NFIB: variants seen among roughly 807,000 people sequenced by gnomAD.
NFIB encodes the protein nuclear factor 1 B-type.
Under a neutral mutation model 61.5 loss-of-function variants are expected in NFIB, and 11 were observed. The observed-to-expected ratio is 0.18, with a 90% CI of 0.11 to 0.30. The LOEUF (loss-of-function observed/expected upper bound fraction) is 0.30, where lower values mean the gene tolerates loss of function less well. Among genes scored for constraint, NFIB ranks in the 10% least tolerant of loss-of-function variants. NFIB has a pLI of 1.00. For synonymous variants in NFIB, 260 were observed against 216.5 expected, an observed-to-expected ratio of 1.20 and a Z score of -1.76; for missense variants, 471 against 608.9, an observed-to-expected ratio of 0.77 and a Z score of 2.38.
rs1280741351 is a variant in NFIB at position 14,120,173 on chromosome 9, CT to C, written c.1245+266del. Among the ~76,000 whole-genome samples, 8 of 152,190 alleles carry C rather than the reference CT, an allele frequency of 5.3e-5. No individual in the cohort carries two copies. The highest frequency in any genetic ancestry group is 5.2e-4 in the Admixed American group (8 of 15,276). On this transcript the variant is annotated intron_variant, in intron 8 of 10. Coordinates refer to ENST00000380953, the MANE Select transcript of NFIB (RefSeq NM_001190737.2). The surrounding 1 kb of genome is among the most constrained non-coding windows in gnomAD (Gnocchi z 4.4). ...AGCCCAGAGCTTTCCTGTCAATGTA[CT>C]TTCTGCATAAACTTTCCCTTCAGTC...
At chr9:14,317,745 T>C (rs989504517), upstream of NFIB, among the ~76,000 whole-genome samples, 1 of 151,906 alleles carries the variant, frequency 6.6e-6, no homozygotes, top group Non-Finnish European at 1.5e-5. Context: ...CTCTAGGGAG[T>C]TGTTTGGAAA....
chr9:14,463,769 T>TC, the NFIB span, among the ~76,000 whole-genome samples: 6 of 146,190 alleles, frequency 4.1e-5, no homozygotes, highest in African/African-American at 1.5e-4. Context: ...CACGCCATTC[T>TC]CCTGCCTCAG....
At chr9:14,244,049 G>A (rs1044421972) in intron 2 of NFIB, among the ~76,000 whole-genome samples, 3 of 152,112 alleles carry the variant, frequency 2.0e-5, no homozygotes, top group Non-Finnish European at 2.9e-5. Context: ...TCTATCATAC[G>A]CAATAATTTT....
intron 6 of NFIB, among the ~76,000 whole-genome samples, chr9:14,145,387 G>A (rs1201083686): frequency 6.6e-6 from 1 of 152,066 alleles, no homozygotes; most frequent in African/African-American, 2.4e-5. Context: ...ATCGAGCTTT[G>A]AGTCAGTTGT....
the NFIB span, among the ~76,000 whole-genome samples, chr9:14,438,931 G>A: frequency 2.2e-4 from 33 of 152,244 alleles, no homozygotes; most frequent in Non-Finnish European, 4.1e-4. Context: ...GCCTGGGAAC[G>A]CCCCCAATGA....
intron 2 of NFIB, among the ~76,000 whole-genome samples, chr9:14,280,351 G>A (rs975872962): frequency 6.6e-6 from 1 of 151,620 alleles, no homozygotes; most frequent in African/African-American, 2.4e-5. Context: ...ATGAAAATAC[G>A]CACACACACA....
intron 3 of NFIB, among the ~76,000 whole-genome samples, chr9:14,164,225 T>C (rs10810101): frequency 0.063 from 9,548 of 152,048 alleles, 877 homozygotes; most frequent in African/African-American, 0.2. Context: ...AGTAAAAATA[T>C]ACAAGTATAG....
Position 14,361,658 on chromosome 9 carries a change from T to G in NFIB, c.108+36866A>C, listed in dbSNP as rs982107528. The G allele has an allele frequency of 3.3e-5, 5 of 152,226 alleles. No individual in the cohort carries two copies. The East Asian group carries it at 7.7e-4, about 23-fold the overall frequency. The allele number at this position is 152,226 out of a possible 1,614,324, so 9.4% of individuals were successfully genotyped here. On this transcript the variant is annotated intron_variant, in intron 1 of 8. Transcript: ENST00000380934. Reference sequence around the variant, plus strand: ...AGTCTCCCTCTTTGCTACACAACAGTAGCCACTAAAATCTTTTGGAAGATT... The same window carrying G: ...AGTCTCCCTCTTTGCTACACAACAGGAGCCACTAAAATCTTTTGGAAGATT...
At chr9:14,183,911 A>C (rs2047070496) in intron 2 of NFIB, among the ~76,000 whole-genome samples, 1 of 152,186 alleles carries the variant, frequency 6.6e-6, no homozygotes, top group Non-Finnish European at 1.5e-5. Flanking sequence ...TTCTAAAAAA[A>C]AAGTAATGAA....
At chr9:14,462,381 C>A in the NFIB span, among the ~76,000 whole-genome samples, 1 of 151,664 alleles carries the variant, frequency 6.6e-6, no homozygotes, top group Non-Finnish European at 1.5e-5. Flanking sequence ...CTCCCGGGTT[C>A]ACGCCATTCT....
the NFIB span, among the ~76,000 whole-genome samples, chr9:14,438,704 T>G: frequency 6.6e-6 from 1 of 152,186 alleles, no homozygotes. Context: ...TACACGGGCT[T>G]AACCTTTACG....
At chr9:14,205,039 G>A in intron 2 of NFIB, 1 of 260,862 alleles carries the variant, frequency 3.8e-6, no homozygotes, top group Admixed American at 3.9e-5. Flanking sequence ...CACCAAACTG[G>A]GTTAAATGTA....
intron 6 of NFIB, among the ~76,000 whole-genome samples, chr9:14,137,165 A>G (rs985830246): frequency 1.3e-5 from 2 of 152,208 alleles, no homozygotes; most frequent in Admixed American, 6.5e-5. Context: ...GAGAAAATAA[A>G]TGTTGCTGTC....
At position 14,120,472 on chromosome 9, in the gene NFIB, A is replaced by G; in HGVS notation, c.1213T>C (p.Ser405Pro). Reference protein sequence around the residue: ...PQDTLKNYVPSYDPSSPQTSQ... With the variant: ...PQDTLKNYVPPYDPSSPQTSQ... The stretch of plus-strand genomic sequence containing the variant: ...GTTTGTGGACTGGATGGGTCATAAG[A>G]AGGTACATAGTTCTTCAGAGTATCC... Residue 405 changes from serine (S) to proline (P), a missense_variant, in exon 8 of 11, where the codon TCT (serine) becomes CCT (proline). Coordinates refer to ENST00000380953, the MANE Select transcript of NFIB (RefSeq NM_001190737.2). This position sits in a 1 kb window ranked among gnomAD's most constrained non-coding sequence, Gnocchi z 4.4. The G allele has an allele frequency of 6.2e-7, 1 of 1,614,078 alleles. No individual in the cohort carries two copies. Among genetic ancestry groups the G allele is most frequent in the Non-Finnish European group, 8.5e-7 (1 of 1,180,002 alleles).
At chr9:14,171,386 T>A (rs2045550771) in intron 3 of NFIB, among the ~76,000 whole-genome samples, 1 of 152,202 alleles carries the variant, frequency 6.6e-6, no homozygotes, top group Non-Finnish European at 1.5e-5. Flanking sequence ...GGTAGACATC[T>A]CTGACTCCAC....
At chr9:14,505,084 G>A in the NFIB span, among the ~76,000 whole-genome samples, 3 of 152,146 alleles carry the variant, frequency 2.0e-5, no homozygotes, top group East Asian at 1.9e-4. Context: ...ATCTATTGAG[G>A]TGATCACGTG....
Position 14,120,924 on chromosome 9 carries a change from T to A in NFIB, c.1061-300A>T, listed in dbSNP as rs780525981. On this transcript the variant is annotated intron_variant, in intron 7 of 10. Transcript: ENST00000380953. The surrounding 1 kb of genome is among the most constrained non-coding windows in gnomAD (Gnocchi z 4.4). ...GTTATGTCAATACTTGATAAAACAC[T>A]TCTTTGAGCAAAGATATATCCCGTT... Among the ~76,000 whole-genome samples the A allele has an allele frequency of 6.6e-5, 10 of 152,336 alleles. No homozygotes were observed. The highest frequency in any genetic ancestry group is 1.5e-4 in the Non-Finnish European group (10 of 68,032).
intron 1 of NFIB, among the ~76,000 whole-genome samples, chr9:14,330,692 C>T (rs906138354): frequency 1.3e-5 from 2 of 152,096 alleles, no homozygotes; most frequent in African/African-American, 4.8e-5. Flanking sequence ...CTAGGTTTTG[C>T]TCCCAAATGG....
chr9:14,218,570 G>C (rs951428391), intron 2 of NFIB, among the ~76,000 whole-genome samples: 2 of 152,198 alleles, frequency 1.3e-5, no homozygotes, highest in African/African-American at 4.8e-5. Flanking sequence ...GACTATAGAT[G>C]TCACCCAATC....
Sources: allele counts gnomAD v4.1 joint callset (sites outside exome capture counted in the v4.1 genomes callset), GRCh38; gene constraint gnomAD v4.1.1; non-coding constraint Gnocchi (gnomAD v3.1); transcripts MANE v1.5; gene names NCBI Gene and HGNC (gene_info 2026-07-23, HGNC 2026-07-21).